The following FAM13C variants were observed in gnomAD, a reference collection of about 807,000 sequenced individuals.
FAM13C encodes protein FAM13C.
Under a neutral mutation model 73.2 loss-of-function variants are expected in FAM13C, and 37 were observed. The ratio of observed to expected loss-of-function variants is 0.51; its 90% CI spans 0.39 to 0.67. The LOEUF is 0.67. Among genes scored for constraint, FAM13C ranks in the 30% least tolerant of loss-of-function variants. The pLI is 0.00. For missense variants in FAM13C, 589 were observed against 715.6 expected, an observed-to-expected ratio of 0.82 and a Z score of 2.02; for synonymous variants, 246 against 260.9, an observed-to-expected ratio of 0.94 and a Z score of 0.55.
intron 3 of FAM13C, among the ~76,000 whole-genome samples, chr10:59,326,466 A>G (rs1851149524): frequency 6.6e-6 from 1 of 152,188 alleles, no homozygotes; most frequent in African/African-American, 2.4e-5. Flanking sequence ...TGTGATTGTC[A>G]TGACAGGCTG....
chr10:59,316,898 T>C (rs1849595151), intron 4 of FAM13C, among the ~76,000 whole-genome samples: 1 of 152,170 alleles, frequency 6.6e-6, no homozygotes, highest in Non-Finnish European at 1.5e-5. Context: ...GTAATATAAT[T>C]ATGTATAACA....
chr10:59,252,737 A>C lies in FAM13C; in HGVS notation c.1532+62T>G, dbSNP rs1841514858. Reference sequence around the variant, plus strand: ...CATTTTCAAAGGCCAGCTCTACTTCATATACTGGTATCAGACCAGAAGGAG... The same window carrying C: ...CATTTTCAAAGGCCAGCTCTACTTCCTATACTGGTATCAGACCAGAAGGAG... On this transcript the variant is annotated intron_variant, in intron 12 of 13. Coordinates refer to ENST00000618804, the MANE Select transcript of FAM13C (RefSeq NM_198215.4). The C allele has an allele frequency of 5.9e-6, 9 of 1,533,884 alleles. No individual in the cohort carries two copies. The South Asian group carries it at 9.0e-5, about 15-fold the overall frequency.
chr10:59,308,491 A>C (rs952765265), intron 4 of FAM13C, among the ~76,000 whole-genome samples: 2 of 145,384 alleles, frequency 1.4e-5, no homozygotes, highest in Non-Finnish European at 3.0e-5. Context: ...TGCCACTACC[A>C]TTGCCACCAC....
intron 6 of FAM13C, among the ~76,000 whole-genome samples, chr10:59,276,478 A>G (rs973874270): frequency 6.6e-5 from 10 of 152,146 alleles, no homozygotes; most frequent in African/African-American, 1.9e-4. Flanking sequence ...TCTAACAACA[A>G]TCCTAGGAAT....
At chr10:59,340,597 G>T (rs1392388375) in intron 3 of FAM13C, among the ~76,000 whole-genome samples, 2 of 152,114 alleles carry the variant, frequency 1.3e-5, no homozygotes, top group African/African-American at 2.4e-5. Context: ...TTAGCATGAA[G>T]TGGGAGTGGG....
At chr10:59,327,566 C>CCCG (rs1468033506) in intron 3 of FAM13C, 8 of 112,722 alleles carry the variant, frequency 7.1e-5, no homozygotes, top group African/African-American at 2.8e-4. Flanking sequence ...TTTGTCCCCA[C>CCCG]CCCCCCACCA....
In FAM13C at chr10:59,324,126, A is replaced by G; in HGVS notation, c.325-20T>C. ...TGTCTCCTGCAAGAAGAAAGAGCAA[A>G]AGTAGATGAGCTGTCAACAGCAATC... is the stretch of plus-strand genomic sequence containing the variant. On this transcript the variant is annotated intron_variant, in intron 3 of 13. Coordinates refer to ENST00000618804, the MANE Select transcript of FAM13C (RefSeq NM_198215.4). 6.3e-7 allele frequency: 1 copy of G among 1,591,208 alleles called. No homozygotes were observed. Among genetic ancestry groups the G allele is most frequent in the East Asian group, 2.2e-5 (1 of 44,688 alleles).
intron 1 of FAM13C, among the ~76,000 whole-genome samples, chr10:59,361,431 C>T (rs1441875900): frequency 2.0e-5 from 3 of 152,014 alleles, no homozygotes; most frequent in Non-Finnish European, 4.4e-5. Context: ...CAAACAGCTC[C>T]CCAGTTAGTT....
At chr10:59,254,116 C>G in intron 11 of FAM13C, 2 of 393,698 alleles carry the variant, frequency 5.1e-6, no homozygotes, top group Non-Finnish European at 9.0e-6. Context: ...AAAATTGGCT[C>G]TAGACATACA....
chr10:59,261,009 T>C (rs2133449170), intron 10 of FAM13C, among the ~76,000 whole-genome samples: 1 of 152,278 alleles, frequency 6.6e-6, no homozygotes, highest in South Asian at 2.1e-4. Context: ...CAGCTCTTCT[T>C]ACTACCCTTG....
chr10:59,353,714 T>C (rs1265506556), intron 2 of FAM13C, among the ~76,000 whole-genome samples: 1 of 152,170 alleles, frequency 6.6e-6, no homozygotes, highest in Non-Finnish European at 1.5e-5. Flanking sequence ...TCAAGATAGG[T>C]GGTCTGGAAC....
intron 1 of FAM13C, among the ~76,000 whole-genome samples, 175 bp downstream of exon 1, chr10:59,362,224 T>A (rs1856500939): frequency 6.6e-6 from 1 of 152,190 alleles, no homozygotes; most frequent in Admixed American, 6.5e-5. Context: ...GGTTTCAACC[T>A]GTAAAGATTT....
At chr10:59,292,126 T>C (rs1846334174) in intron 5 of FAM13C, among the ~76,000 whole-genome samples, 1 of 152,220 alleles carries the variant, frequency 6.6e-6, no homozygotes, top group Non-Finnish European at 1.5e-5. Context: ...TGAGCTTTTC[T>C]AGATAATAAG....
At chr10:59,291,112 C>T (rs1190284909) in intron 5 of FAM13C, among the ~76,000 whole-genome samples, 1 of 152,112 alleles carries the variant, frequency 6.6e-6, no homozygotes. Context: ...CTCTACTTGC[C>T]CCAGGGCCAG....
intron 6 of FAM13C, chr10:59,282,715 T>A (rs1845075344): frequency 6.6e-6 from 1 of 152,192 alleles, no homozygotes; most frequent in Non-Finnish European, 1.5e-5. Context: ...CTCCAAATAT[T>A]CCTGGGAACA....
At chr10:59,307,666 C>T (rs780569214) in intron 4 of FAM13C, among the ~76,000 whole-genome samples, 19 of 152,068 alleles carry the variant, frequency 1.2e-4, no homozygotes, top group Non-Finnish European at 1.9e-4. Context: ...TATATTCTCA[C>T]GGAAGGATAA....
intron 5 of FAM13C, among the ~76,000 whole-genome samples, chr10:59,295,076 C>T (rs1846740331): frequency 6.6e-6 from 1 of 152,196 alleles, no homozygotes; most frequent in South Asian, 2.1e-4. Context: ...TGGGCACATG[C>T]CCCAAGCCAG....
chr10:59,249,272 C>T (rs907413856), intron 13 of FAM13C, among the ~76,000 whole-genome samples: 1 of 151,390 alleles, frequency 6.6e-6, no homozygotes, highest in Non-Finnish European at 1.5e-5. Context: ...CGCGTGGTGG[C>T]GTACGCCTGT....
At chr10:59,290,507 T>C (rs1315295314) in intron 5 of FAM13C, among the ~76,000 whole-genome samples, 2 of 152,164 alleles carry the variant, frequency 1.3e-5, no homozygotes, top group Admixed American at 1.3e-4. Flanking sequence ...CCCACATACA[T>C]ACAACACCCT....
Sources: gnomAD v4.1 joint callset for allele counts (sites outside exome capture counted in the v4.1 genomes callset) on GRCh38, gnomAD v4.1.1 for gene constraint, MANE v1.5 for transcripts, NCBI Gene and HGNC (gene_info 2026-07-23, HGNC 2026-07-21) for gene names.